The following SDK2 variants were observed in gnomAD, a reference collection of about 807,000 sequenced individuals.
The protein encoded by SDK2 is sidekick cell adhesion molecule 2, also known as protein sidekick-2.
SDK2 carries 105 observed loss-of-function variants against 253.9 expected under a neutral mutation model. The observed-to-expected ratio is 0.41, with a 90% CI of 0.35 to 0.49. The LOEUF is 0.49. Among genes scored for constraint, SDK2 ranks in the 20% least tolerant of loss-of-function variants. SDK2 has a pLI of 0.06. For missense variants in SDK2, 2,608 were observed against 3,003.0 expected (o/e 0.87, Z 3.07); for synonymous variants, 1,249 against 1,234.9 (o/e 1.01, Z -0.24).
chr17:73,442,996 T>TG (rs1269798540), intron 5 of SDK2, among the ~76,000 whole-genome samples: 2 of 152,124 alleles, frequency 1.3e-5, no homozygotes, highest in Non-Finnish European at 2.9e-5. Context: ...GCCTGATCCA[T>TG]GGCTCCTGAA....
At chr17:73,514,533 T>C (rs1012553845) in intron 1 of SDK2, among the ~76,000 whole-genome samples, 11 of 152,262 alleles carry the variant, frequency 7.2e-5, no homozygotes, top group African/African-American at 2.4e-4. Context: ...GCACCTCCTG[T>C]GGAGCCATTC....
intron 1 of SDK2, among the ~76,000 whole-genome samples, chr17:73,597,156 T>C (rs1478305200): frequency 1.3e-5 from 2 of 152,188 alleles, no homozygotes; most frequent in East Asian, 3.9e-4. Flanking sequence ...CGTATTCTCC[T>C]GATGGGTTTT....
chr17:73,450,366 A>G (rs1567780463), intron 4 of SDK2, among the ~76,000 whole-genome samples: 1 of 152,152 alleles, frequency 6.6e-6, no homozygotes, highest in Non-Finnish European at 1.5e-5. Context: ...ATTAGGCCCA[A>G]GATAGCCCTG....
At chr17:73,342,080 T>A (rs1486386997) in intron 44 of SDK2, among the ~76,000 whole-genome samples, 1 of 149,646 alleles carries the variant, frequency 6.7e-6, no homozygotes. Flanking sequence ...GAACGAGAGC[T>A]CCCCCCAAAC....
At chr17:73,484,308 G>A (rs1202997705) in intron 2 of SDK2, among the ~76,000 whole-genome samples, 1 of 152,232 alleles carries the variant, frequency 6.6e-6, no homozygotes, top group Non-Finnish European at 1.5e-5. Context: ...CTGGGGCTCT[G>A]TGGCCGAATC....
intron 1 of SDK2, among the ~76,000 whole-genome samples, chr17:73,537,084 C>A (rs1567829411): frequency 6.6e-6 from 1 of 152,128 alleles, no homozygotes; most frequent in Non-Finnish European, 1.5e-5. Flanking sequence ...TTGGAGGTGG[C>A]GGCTCAGGAT....
intron 1 of SDK2, among the ~76,000 whole-genome samples, chr17:73,562,802 G>A (rs2145854235): frequency 6.6e-6 from 1 of 152,362 alleles, no homozygotes; most frequent in Non-Finnish European, 1.5e-5. Context: ...TGCCACGTCT[G>A]CGTTTTGTAA....
At chr17:73,526,879 C>T (rs1206677756) in intron 1 of SDK2, among the ~76,000 whole-genome samples, 6 of 152,210 alleles carry the variant, frequency 3.9e-5, no homozygotes, top group African/African-American at 1.4e-4. Context: ...CCCTCAATTC[C>T]TCAACACAGA....
chr17:73,401,472 T>A (rs1163527198), intron 20 of SDK2, among the ~76,000 whole-genome samples, 182 bp downstream of exon 20: 1 of 152,128 alleles, frequency 6.6e-6, no homozygotes, highest in Non-Finnish European at 1.5e-5. Context: ...GGTGTGGGGC[T>A]GCAGACTCTG....
chr17:73,531,724 C>T (rs751815880), intron 1 of SDK2, among the ~76,000 whole-genome samples: 11 of 152,216 alleles, frequency 7.2e-5, no homozygotes, highest in Non-Finnish European at 1.5e-4. Context: ...GGATAAAATA[C>T]TCCTCAATGG....
At chr17:73,497,527 A>T (rs960620303) in intron 2 of SDK2, among the ~76,000 whole-genome samples, 1 of 151,924 alleles carries the variant, frequency 6.6e-6, no homozygotes, top group Non-Finnish European at 1.5e-5. Flanking sequence ...GTCTTCCCAG[A>T]AAGCTCCTTC....
chr17:73,377,222 CTTTT>C (rs1193747847), intron 36 of SDK2, among the ~76,000 whole-genome samples: 1 of 134,004 alleles, frequency 7.5e-6, no homozygotes, highest in Non-Finnish European at 1.6e-5. Context: ...TTTTTTTTTT[CTTTT>C]TTTTTTTTTG....
chr17:73,590,546 C>T (rs542001705), intron 1 of SDK2, among the ~76,000 whole-genome samples: 4 of 152,352 alleles, frequency 2.6e-5, no homozygotes, highest in African/African-American at 7.2e-5. Context: ...GGGGAAAATA[C>T]AGGTTAGTGA....
At chr17:73,513,762 G>A (rs1433036464) in intron 1 of SDK2, 1 of 152,182 alleles carries the variant, frequency 6.6e-6, no homozygotes, top group Admixed American at 6.5e-5. Flanking sequence ...TGCAGCAGAC[G>A]GCGCCTGAGC....
At chr17:73,521,407 G>A (rs1341713736) in intron 1 of SDK2, 1 of 152,102 alleles carries the variant, frequency 6.6e-6, no homozygotes, top group Non-Finnish European at 1.5e-5. Context: ...CATACAATGG[G>A]TGCCAGGTGT....
intron 44 of SDK2, among the ~76,000 whole-genome samples, chr17:73,344,224 A>C (rs1044429156): frequency 2.0e-5 from 3 of 152,158 alleles, no homozygotes; most frequent in Non-Finnish European, 4.4e-5. Flanking sequence ...CCTTTGAAAA[A>C]TGTCAGCTCA....
intron 18 of SDK2, among the ~76,000 whole-genome samples, chr17:73,413,001 C>A (rs1434618968): frequency 6.6e-6 from 1 of 152,134 alleles, no homozygotes; most frequent in Non-Finnish European, 1.5e-5. Flanking sequence ...AAATAAATTT[C>A]TGTTGTTTAA....
At chr17:73,580,490 C>T (rs929822752) in intron 1 of SDK2, among the ~76,000 whole-genome samples, 3 of 152,248 alleles carry the variant, frequency 2.0e-5, no homozygotes, top group Non-Finnish European at 4.4e-5. Context: ...TCCGGAACAC[C>T]GGGGCTCACG....
At chr17:73,495,648 G>GTTTGTGTGTGTGTGTGTGTTTT (rs2063836860) in intron 2 of SDK2, among the ~76,000 whole-genome samples, 3 of 151,562 alleles carry the variant, frequency 2.0e-5, no homozygotes, top group Non-Finnish European at 4.4e-5. Context: ...GTGTGTGTTT[G>GTTTGTGTGTGTGTGTGTGTTTT]TTTGTGTATG....
Sources: allele counts gnomAD v4.1 joint callset (sites outside exome capture counted in the v4.1 genomes callset), GRCh38; gene constraint gnomAD v4.1.1; transcripts MANE v1.5; gene names NCBI Gene and HGNC (gene_info 2026-07-23, HGNC 2026-07-21).